Variants in GALNT15 observed in about 807,000 individuals in gnomAD.
GALNT15 encodes the protein polypeptide N-acetylgalactosaminyltransferase 15, also known as UDP-GalNAc transferase T15.
Under a neutral mutation model 66.8 loss-of-function variants are expected in GALNT15, and 67 were observed. That is an observed-to-expected ratio of 1.00 (90% CI 0.82 to 1.23). GALNT15 has a LOEUF of 1.23. Ranked by LOEUF, GALNT15 falls within the 50% of genes most tolerant of loss-of-function variation. The probability of loss-of-function intolerance (pLI) is 0.00; values close to 1 mark genes in which losing one functional copy is unlikely to be tolerated. For synonymous variants in GALNT15, 313 were observed against 311.5 expected, an observed-to-expected ratio of 1.00 and a Z score of -0.05; for missense variants, 827 against 804.3, an observed-to-expected ratio of 1.03 and a Z score of -0.34.
intron 3 of GALNT15, among the ~76,000 whole-genome samples, chr3:16,205,084 T>C (rs1028283000): frequency 6.6e-6 from 1 of 152,230 alleles, no homozygotes; most frequent in African/African-American, 2.4e-5. Flanking sequence ...TCGTACTTCA[T>C]ACCCTTCAGC....
rs1219470364 is a variant in GALNT15, at chr3:16,175,691, G to T, written c.539+1G>T. ...CTCTGCCCGAGGTGCGGCACCCACTGTAAGTAAGGCCCTTGTTTTCCCTTC... is the reference window on the plus strand; with the variant it reads ...CTCTGCCCGAGGTGCGGCACCCACTTTAAGTAAGGCCCTTGTTTTCCCTTC... On this transcript the variant is annotated splice_donor_variant, in intron 1 of 9. Coordinates refer to ENST00000339732, the MANE Select transcript of GALNT15 (RefSeq NM_054110.5). LOFTEE classifies it high-confidence loss of function. The surrounding 1 kb of genome is among the most constrained non-coding windows in gnomAD (Gnocchi z 5.6). 6.4e-7 allele frequency: 1 copy of T among 1,570,682 alleles called. No individual in the cohort carries two copies. Among genetic ancestry groups the T allele is most frequent in the East Asian group, 2.3e-5 (1 of 44,354 alleles).
At chr3:16,217,700 C>T (rs1369832101) in intron 6 of GALNT15, among the ~76,000 whole-genome samples, 5 of 152,128 alleles carry the variant, frequency 3.3e-5, no homozygotes, top group Admixed American at 2.6e-4. Flanking sequence ...CATTGTCAGC[C>T]TGCCCCTCAC....
intron 8 of GALNT15, among the ~76,000 whole-genome samples, chr3:16,221,404 A>C (rs2063941188): frequency 6.6e-6 from 1 of 152,180 alleles, no homozygotes; most frequent in African/African-American, 2.4e-5. Context: ...AAACGAGTTT[A>C]TAAGAAAGAA....
chr3:16,228,969 A>T lies in GALNT15; in HGVS notation c.*1469A>T. The T allele has an allele frequency of 1.0e-6, 1 of 985,446 alleles. No homozygotes were observed. Among genetic ancestry groups the T allele is most frequent in the African/African-American group, 1.7e-5 (1 of 57,370 alleles). The allele number at this position is 985,446 out of a possible 1,614,324, so 61.0% of individuals were successfully genotyped here. On this transcript the variant is annotated 3_prime_UTR_variant, in exon 10 of 10. Coordinates refer to ENST00000339732, the MANE Select transcript of GALNT15 (RefSeq NM_054110.5). ...GACTTTCCTTGCTATGACTTGGCTT[A>T]CCTGAATTAGCTGTAAGAGTTGCCG... is the stretch of plus-strand genomic sequence containing the variant.
chr3:16,195,881 G>C lies in GALNT15; in HGVS notation c.661G>C (p.Ala221Pro), dbSNP rs1288651839. 2 of 1,614,016 alleles carry C rather than the reference G, an allele frequency of 1.2e-6. No individual in the cohort carries two copies. Among genetic ancestry groups the C allele is most frequent in the Non-Finnish European group, 8.5e-7 (1 of 1,180,014 alleles). Reference protein sequence around the residue: ...VHSILDTVPRAFLKEIILVDD... With the variant: ...VHSILDTVPRPFLKEIILVDD... ...CAGCATCCTCGACACAGTGCCCAGG[G>C]CCTTCCTGAAGGAGATCATCCTCGT... is the stretch of plus-strand genomic sequence containing the variant. The change falls in exon 2 of 10, where the codon GCC becomes CCC. Residue 221 changes from alanine (A) to proline (P), a missense_variant. Ala to Pro is a conservative substitution (Grantham distance 27). Transcript: ENST00000339732. The surrounding 1 kb of genome is among the most constrained non-coding windows in gnomAD (Gnocchi z 4.6).
Position 16,227,670 on chromosome 3 carries a change from T to A in GALNT15, c.*170T>A. On this transcript the variant is annotated 3_prime_UTR_variant, in exon 10 of 10. Coordinates refer to ENST00000339732, the MANE Select transcript of GALNT15 (RefSeq NM_054110.5). This position sits in a 1 kb window ranked among gnomAD's most constrained non-coding sequence, Gnocchi z 4.5. ...TAGGAAGTTTCTCCTTTTCACACCTTATTTCATTGACTGCTGGCTGCTTTA... is the reference window on the plus strand; with the variant it reads ...TAGGAAGTTTCTCCTTTTCACACCTAATTTCATTGACTGCTGGCTGCTTTA... 7.0e-7 allele frequency: 1 copy of A among 1,434,334 alleles called. No homozygotes were observed. Among genetic ancestry groups the A allele is most frequent in the East Asian group, 2.6e-5 (1 of 39,106 alleles). 88.9% of individuals were successfully genotyped at this position (1,434,334 alleles called of 1,614,324 possible).
In GALNT15 at chr3:16,176,401, C is replaced by T. The variant is rs1426962460; in HGVS notation, c.539+711C>T. Reference sequence around the variant, plus strand: ...GGATTTGAATGCAGGCATGTGAGCTCCAGTCTGCCTGACCCACCACTCCAT... The same window carrying T: ...GGATTTGAATGCAGGCATGTGAGCTTCAGTCTGCCTGACCCACCACTCCAT... On this transcript the variant is annotated intron_variant, in intron 1 of 9. Transcript: ENST00000339732. The surrounding 1 kb of genome is among the most constrained non-coding windows in gnomAD (Gnocchi z 5.6). Among the ~76,000 whole-genome samples, 1 of 152,218 alleles carries T rather than the reference C, an allele frequency of 6.6e-6. No individual in the cohort carries two copies. Among genetic ancestry groups the T allele is most frequent in the African/African-American group, 2.4e-5 (1 of 41,450 alleles).
In GALNT15 at chr3:16,191,449, G is replaced by C. The variant is rs1045346618; in HGVS notation, c.540-4311G>C. ...CACAACAGCAAATCCCAAAAAGTGG[G>C]CCCTACGGCTACCTTTCTGAGGAAA... On this transcript the variant is annotated intron_variant, in intron 1 of 9. Transcript: ENST00000339732. This position sits in a 1 kb window ranked among gnomAD's most constrained non-coding sequence, Gnocchi z 5.2. 5 of 580,754 alleles carry C rather than the reference G, an allele frequency of 8.6e-6. No individual in the cohort carries two copies. The African/African-American group carries it at 1.0e-4, about 12-fold the overall frequency. 36.0% of individuals were successfully genotyped at this position (580,754 alleles called of 1,614,324 possible).
In GALNT15 at chr3:16,180,532, T is replaced by A. The variant is rs541837162; in HGVS notation, c.539+4842T>A. Among the ~76,000 whole-genome samples, 1 of 151,952 alleles carries A rather than the reference T, an allele frequency of 6.6e-6. No homozygotes were observed. The highest frequency in any genetic ancestry group is 2.1e-4 in the South Asian group (1 of 4,792). On this transcript the variant is annotated intron_variant, in intron 1 of 9. Transcript: ENST00000339732. The surrounding 1 kb of genome is among the most constrained non-coding windows in gnomAD (Gnocchi z 5.0). ...ATATTGCTTGTTAAAAAGACGTAGA[T>A]GTTCAGACCCCCTCACTGGCAATGC...
the GALNT15 span, among the ~76,000 whole-genome samples, chr3:16,240,183 G>A: frequency 6.6e-6 from 1 of 152,246 alleles, no homozygotes; most frequent in Non-Finnish European, 1.5e-5. Flanking sequence ...ACAAAGTTAA[G>A]TTTCTGGATG....
Position 16,212,744 on chromosome 3 carries a change from A to C in GALNT15, c.1373A>C (p.Glu458Ala). Reference protein sequence around the residue: ...FKETFYKHSPEAFSLSKAEKP... With the variant: ...FKETFYKHSPAAFSLSKAEKP... ...GAAACCTTCTACAAGCATAGCCCAG[A>C]GGCCTTCTCCTTGAGCAAGGTAAGG... Residue 458 changes from glutamate (E) to alanine (A), a missense_variant, in exon 6 of 10, where the codon GAG (glutamate) becomes GCG (alanine). Physicochemically the swap from Glu to Ala is moderately radical, Grantham distance 107. Coordinates refer to ENST00000339732, the MANE Select transcript of GALNT15 (RefSeq NM_054110.5). The C allele has an allele frequency of 6.2e-7, 1 of 1,613,404 alleles. No homozygotes were observed. Among genetic ancestry groups the C allele is most frequent in the South Asian group, 1.1e-5 (1 of 91,022 alleles).
In GALNT15 at chr3:16,227,295, CT is replaced by C. The variant is rs1217823051; in HGVS notation, c.1774-55del. 3.8e-5 allele frequency: 59 copies of C among 1,543,528 alleles called. No individual in the cohort carries two copies. In the East Asian group the frequency reaches 1.3e-3, roughly 35 times the overall value. Reference sequence around the variant, plus strand: ...TTAGCACAAATCTTAAAAATATTTTCTTTTGCTGACTGATTGTGGGGGACTG... The same window carrying C: ...TTAGCACAAATCTTAAAAATATTTTCTTTGCTGACTGATTGTGGGGGACTG... On this transcript the variant is annotated intron_variant, in intron 9 of 9. Coordinates refer to ENST00000339732, the MANE Select transcript of GALNT15 (RefSeq NM_054110.5). This position sits in a 1 kb window ranked among gnomAD's most constrained non-coding sequence, Gnocchi z 4.5.
chr3:16,244,769 A>T, the GALNT15 span, among the ~76,000 whole-genome samples: 1 of 152,240 alleles, frequency 6.6e-6, no homozygotes, highest in East Asian at 1.9e-4. Context: ...TATTCCAGAT[A>T]TGAGCCAGAG....
chr3:16,244,728 T>C, the GALNT15 span, among the ~76,000 whole-genome samples: 2 of 152,372 alleles, frequency 1.3e-5, no homozygotes, highest in African/African-American at 4.8e-5. Flanking sequence ...ACCAGACCCA[T>C]GCTTAAGACT....
At chr3:16,236,135 C>T (rs1290471578), downstream of GALNT15, among the ~76,000 whole-genome samples, 5 of 36,232 alleles carry the variant, frequency 1.4e-4, no homozygotes, top group Non-Finnish European at 3.5e-4. Context: ...AAAAAAAGGA[C>T]TGGGCATCAG....
Position 16,211,796 on chromosome 3 carries a change from G to A in GALNT15, c.1197+555G>A, listed in dbSNP as rs6442585. On this transcript the variant is annotated intron_variant, in intron 5 of 9. Coordinates refer to ENST00000339732, the MANE Select transcript of GALNT15 (RefSeq NM_054110.5). The surrounding 1 kb of genome is among the most constrained non-coding windows in gnomAD (Gnocchi z 4.3). ...AACACCAAAAAAAATTCATCATCAA[G>A]AGTGCAGAGATCTAATGCTGAAAGT... is the stretch of plus-strand genomic sequence containing the variant. Among the ~76,000 whole-genome samples, 133,421 of 152,216 alleles carry A rather than the reference G, an allele frequency of 0.88. 58,941 individuals are homozygous for A. The highest frequency in any genetic ancestry group is 1 in the East Asian group (5,167 of 5,172).
At position 16,208,604 on chromosome 3, in the gene GALNT15, A is replaced by T. The variant is rs150527566; in HGVS notation, c.1013A>T (p.Asp338Val). The change falls in exon 4 of 10, where the codon GAT (aspartate) becomes GTT (valine). Residue 338 changes from aspartate to valine, a missense_variant. Transcript: ENST00000339732. ...CGTGGGGTGTTGGACTGGAAGCTGG[A>T]TTTCCACTGGGAACCTTTGCCAGAG... ...LQRGVLDWKL[D>V]FHWEPLPEHV... 1 of 1,614,092 alleles carries T rather than the reference A, an allele frequency of 6.2e-7. No homozygotes were observed. Among genetic ancestry groups the T allele is most frequent in the Non-Finnish European group, 8.5e-7 (1 of 1,179,996 alleles).
In GALNT15 at chr3:16,209,461, A is replaced by G. The variant is rs1172602577; in HGVS notation, c.1079+791A>G. Among the ~76,000 whole-genome samples, 1 of 152,234 alleles carries G rather than the reference A, an allele frequency of 6.6e-6. No homozygotes were observed. Among genetic ancestry groups the G allele is most frequent in the East Asian group, 1.9e-4 (1 of 5,202 alleles). The stretch of plus-strand genomic sequence containing the variant: ...TGCTATATTTTAAATACAAGGCCAC[A>G]GTTCATTATTCACAATTGCAAAATC... On this transcript the variant is annotated intron_variant, in intron 4 of 9. Transcript: ENST00000339732. The surrounding 1 kb of genome is among the most constrained non-coding windows in gnomAD (Gnocchi z 4.1).
intron 6 of GALNT15, among the ~76,000 whole-genome samples, chr3:16,215,931 GGAAGAA>G (rs765375256): frequency 5.1e-4 from 69 of 134,582 alleles, no homozygotes; most frequent in East Asian, 1.5e-3. Context: ...AAAAAGAAGA[GGAAGAA>G]GAAGAAGAAG....
Sources: gnomAD v4.1 joint callset for allele counts (sites outside exome capture counted in the v4.1 genomes callset) on GRCh38, gnomAD v4.1.1 for gene constraint, Gnocchi (gnomAD v3.1) non-coding constraint, MANE v1.5 for transcripts, NCBI Gene and HGNC (gene_info 2026-07-23, HGNC 2026-07-21) for gene names.